DLC1: variants seen among roughly 807,000 people sequenced by gnomAD.
DLC1 encodes rho GTPase-activating protein 7.
DLC1 carries 54 observed loss-of-function variants against 140.3 expected under a neutral mutation model. The ratio of observed to expected loss-of-function variants is 0.38; its 90% CI spans 0.31 to 0.48. The LOEUF is 0.48. DLC1 is among the 20% of genes least tolerant of loss of function. The pLI, the probability that DLC1 is intolerant of heterozygous loss-of-function variation, is 0.96. For missense variants in DLC1, 2,536 were observed against 1,907.0 expected (o/e 1.33, Z -6.14); for synonymous variants, 986 against 728.1 (o/e 1.35, Z -5.70).
chr8:13,383,424 C>A (rs941593965), intron 4 of DLC1, among the ~76,000 whole-genome samples: 1 of 152,122 alleles, frequency 6.6e-6, no homozygotes, highest in Non-Finnish European at 1.5e-5. Flanking sequence ...GCACCTGAGA[C>A]CTGCAGCGTC....
At chr8:13,357,217 G>T (rs1289666270) in intron 4 of DLC1, among the ~76,000 whole-genome samples, 2 of 152,066 alleles carry the variant, frequency 1.3e-5, no homozygotes, top group Non-Finnish European at 2.9e-5. Flanking sequence ...GCTGCAGTGA[G>T]CCAAGATTGT....
intron 1 of DLC1, among the ~76,000 whole-genome samples, chr8:13,597,020 C>T (rs1019471079): frequency 3.9e-5 from 6 of 151,926 alleles, no homozygotes; most frequent in Non-Finnish European, 7.4e-5. Context: ...GGCACTCTGA[C>T]GTCATCCTGT....
intron 1 of DLC1, among the ~76,000 whole-genome samples, chr8:13,571,376 T>TC (rs903603351): frequency 6.6e-6 from 1 of 152,110 alleles, no homozygotes; most frequent in Non-Finnish European, 1.5e-5. Flanking sequence ...CATTCTCCTC[T>TC]CCCCCTGGTA....
chr8:13,348,090 A>AAAAC (rs141062541), intron 4 of DLC1, among the ~76,000 whole-genome samples: 47,681 of 106,594 alleles, frequency 0.45, 8,379 homozygotes, highest in East Asian at 0.61. Context: ...CTCCATCTCA[A>AAAAC]AAACAAACAA....
At chr8:13,276,524 T>G (rs1831176106) in intron 5 of DLC1, 2 of 1,295,742 alleles carry the variant, frequency 1.5e-6, no homozygotes, top group African/African-American at 3.1e-5. Flanking sequence ...CGGCTGGCAC[T>G]GCGGCCCCGG....
chr8:13,335,551 T>C (rs185543495), intron 4 of DLC1, among the ~76,000 whole-genome samples: 5 of 152,288 alleles, frequency 3.3e-5, no homozygotes, highest in South Asian at 2.1e-4. Flanking sequence ...TAAACCTCGA[T>C]TGAAGTTTCT....
chr8:13,309,499 A>G (rs1266243004), intron 4 of DLC1, among the ~76,000 whole-genome samples: 2 of 152,180 alleles, frequency 1.3e-5, no homozygotes, highest in African/African-American at 4.8e-5. Flanking sequence ...AAAGCTATTT[A>G]AGAAAGCTTT....
intron 5 of DLC1, among the ~76,000 whole-genome samples, chr8:13,219,037 A>ATT (rs1554473286): frequency 7.8e-5 from 3 of 38,694 alleles, no homozygotes; most frequent in African/African-American, 4.6e-4. Flanking sequence ...TAATTATGTG[A>ATT]ATATAATTAT....
chr8:13,472,100 G>C (rs1800234389), intron 2 of DLC1, among the ~76,000 whole-genome samples: 1 of 152,216 alleles, frequency 6.6e-6, no homozygotes, highest in Non-Finnish European at 1.5e-5. Context: ...TCTGCTACAT[G>C]AGGCAGTTCC....
At chr8:13,402,682 A>G (rs747591458) in intron 2 of DLC1, among the ~76,000 whole-genome samples, 26 of 152,234 alleles carry the variant, frequency 1.7e-4, no homozygotes, top group Admixed American at 3.3e-4. Context: ...CCTGAGGGCT[A>G]TCAGTACAGT....
intron 1 of DLC1, among the ~76,000 whole-genome samples, chr8:13,603,522 ACT>A (rs1343602126): frequency 8.6e-5 from 13 of 151,782 alleles, no homozygotes; most frequent in South Asian, 2.1e-4. Context: ...TTCCTTGCAA[ACT>A]CTGGTAACAT....
At chr8:13,185,137 T>TG (rs1040001827) in intron 5 of DLC1, among the ~76,000 whole-genome samples, 2 of 149,422 alleles carry the variant, frequency 1.3e-5, no homozygotes, top group African/African-American at 5.0e-5. Flanking sequence ...TTTTTTTTTT[T>TG]TTTTTGCTTT....
At chr8:13,408,715 T>C (rs1442012292) in intron 2 of DLC1, among the ~76,000 whole-genome samples, 5 of 152,202 alleles carry the variant, frequency 3.3e-5, no homozygotes, top group Admixed American at 3.3e-4. Flanking sequence ...TTATAGAATA[T>C]AGGATCAGTC....
intron 5 of DLC1, among the ~76,000 whole-genome samples, chr8:13,254,293 T>C (rs1830125002): frequency 6.7e-6 from 1 of 149,408 alleles, no homozygotes; most frequent in Non-Finnish European, 1.5e-5. Flanking sequence ...TTAAGAGATG[T>C]AGGGACACAG....
chr8:13,334,696 C>T (rs1321420232), intron 4 of DLC1, among the ~76,000 whole-genome samples: 1 of 152,100 alleles, frequency 6.6e-6, no homozygotes, highest in Non-Finnish European at 1.5e-5. Context: ...TCAAAAATTC[C>T]TTCTGGGTGT....
At chr8:13,188,899 C>T (rs1359583675) in intron 5 of DLC1, among the ~76,000 whole-genome samples, 2 of 139,320 alleles carry the variant, frequency 1.4e-5, no homozygotes, top group Non-Finnish European at 3.0e-5. Flanking sequence ...TCATGTTGGC[C>T]AGGCTGGTCT....
chr8:13,289,078 T>C (rs1831652849), intron 5 of DLC1, among the ~76,000 whole-genome samples: 2 of 152,204 alleles, frequency 1.3e-5, no homozygotes, highest in South Asian at 4.1e-4. Flanking sequence ...CTGTGACCTG[T>C]TCCTTTTTCC....
At chr8:13,434,633 C>T (rs1839035516) in intron 2 of DLC1, among the ~76,000 whole-genome samples, 1 of 152,188 alleles carries the variant, frequency 6.6e-6, no homozygotes, top group South Asian at 2.1e-4. Flanking sequence ...ACCACATCCA[C>T]TGTGCAGCTG....
At chr8:13,468,428 C>T (rs567526675) in intron 2 of DLC1, among the ~76,000 whole-genome samples, 3 of 144,698 alleles carry the variant, frequency 2.1e-5, no homozygotes, top group African/African-American at 7.6e-5. Context: ...GATCCCAGGC[C>T]GGAGTATGGT....
Sources: allele counts gnomAD v4.1 joint callset (sites outside exome capture counted in the v4.1 genomes callset), GRCh38; gene constraint gnomAD v4.1.1; transcripts MANE v1.5; gene names NCBI Gene and HGNC (gene_info 2026-07-23, HGNC 2026-07-21).